CCSER1: variants seen among roughly 807,000 people sequenced by gnomAD.
CCSER1 encodes coiled-coil serine rich protein 1, also known as serine-rich coiled-coil domain-containing protein 1.
Under a neutral mutation model 82.0 loss-of-function variants are expected in CCSER1, and 41 were observed. The ratio of observed to expected loss-of-function variants is 0.50; its 90% CI spans 0.39 to 0.65. The LOEUF (loss-of-function observed/expected upper bound fraction) is 0.65. CCSER1 is among the 30% of genes least tolerant of loss of function. The pLI is 0.00. For missense variants in CCSER1, 1,119 were observed against 1,064.2 expected, an observed-to-expected ratio of 1.05 and a Z score of -0.72; for synonymous variants, 414 against 383.9, an observed-to-expected ratio of 1.08 and a Z score of -0.92.
intron 8 of CCSER1, among the ~76,000 whole-genome samples, chr4:90,905,346 G>A (rs552748158): frequency 4.0e-5 from 5 of 124,334 alleles, no homozygotes; most frequent in African/African-American, 9.2e-5. Context: ...TGCTCACTAC[G>A]TTCTAGTCAC....
chr4:90,600,408 T>C (rs1411375558), intron 5 of CCSER1, among the ~76,000 whole-genome samples: 3 of 152,168 alleles, frequency 2.0e-5, no homozygotes, highest in Non-Finnish European at 2.9e-5. Context: ...CTTTGTGGTT[T>C]TAATTTGCAT....
chr4:90,971,824 A>T (rs1599454), intron 9 of CCSER1, among the ~76,000 whole-genome samples: 3,264 of 151,864 alleles, frequency 0.021, 134 homozygotes, highest in African/African-American at 0.071. Flanking sequence ...GGATTTAACC[A>T]TGGGATGTAA....
At chr4:91,595,638 A>G (rs919588988) in intron 10 of CCSER1, among the ~76,000 whole-genome samples, 1 of 152,128 alleles carries the variant, frequency 6.6e-6, no homozygotes, top group Non-Finnish European at 1.5e-5. Context: ...GGATATAAAT[A>G]TAAAACTTCA....
chr4:90,662,604 A>G (rs1010758660), intron 6 of CCSER1, among the ~76,000 whole-genome samples: 2 of 152,108 alleles, frequency 1.3e-5, no homozygotes, highest in African/African-American at 4.8e-5. Context: ...TTATTTATTC[A>G]TTTGGGGAAA....
chr4:90,396,338 G>A (rs1751953320), intron 3 of CCSER1, among the ~76,000 whole-genome samples: 1 of 151,910 alleles, frequency 6.6e-6, no homozygotes, highest in Non-Finnish European at 1.5e-5. Context: ...TGTGACCATT[G>A]GTGCTAAACA....
At position 91,496,769 on chromosome 4, in the gene CCSER1, T is replaced by A. The variant is rs1229266900; in HGVS notation, c.2218-101803T>A. Among the ~76,000 whole-genome samples, 4 of 22,404 alleles carry A rather than the reference T, an allele frequency of 1.8e-4. 1 individual carries two copies. The highest frequency in any genetic ancestry group is 4.2e-4 in the African/African-American group (4 of 9,638). The allele number at this position is 22,404 out of a possible 152,430, so 14.7% of individuals were successfully genotyped here. ...TATATTTGAATATATATATATTCAATATATATTGAATATATATTGAATATA... is the reference window on the plus strand; with the variant it reads ...TATATTTGAATATATATATATTCAAAATATATTGAATATATATTGAATATA... On this transcript the variant is annotated intron_variant, in intron 10 of 10. Transcript: ENST00000509176.
rs370368170 is a variant in CCSER1 at position 91,477,188 on chromosome 4, C to T, written c.2218-121384C>T. Among the ~76,000 whole-genome samples, 163 of 151,688 alleles carry T rather than the reference C, an allele frequency of 1.1e-3. 4 individuals carry two copies. In the South Asian group the frequency reaches 0.028, roughly 26 times the overall value. On this transcript the variant is annotated intron_variant, in intron 10 of 10. Coordinates refer to ENST00000509176, the MANE Select transcript of CCSER1 (RefSeq NM_001145065.2). ...ATTCACTCTACAAAGGATTAATACC[C>T]AGAATAGATAAGGAACTCAAATAAC... is the stretch of plus-strand genomic sequence containing the variant.
At chr4:90,823,510 A>C (rs1760041466) in intron 8 of CCSER1, among the ~76,000 whole-genome samples, 1 of 152,134 alleles carries the variant, frequency 6.6e-6, no homozygotes. Context: ...AGATTTCAAA[A>C]TAAGCAATGA....
In CCSER1 at chr4:90,691,071, G is replaced by T. The variant is rs913329240; in HGVS notation, c.1933-32843G>T. Among the ~76,000 whole-genome samples the T allele has an allele frequency of 2.0e-5, 3 of 151,984 alleles. No individual in the cohort carries two copies. The East Asian group carries it at 5.8e-4, about 29-fold the overall frequency. On this transcript the variant is annotated intron_variant, in intron 6 of 10. Transcript: ENST00000509176. ...TTGCTGTGAGAGTTATAAATGCTCA[G>T]TGCAGTGTCTGAGACATGATAGGTC...
chr4:91,232,964 A>C (rs1335164303), intron 10 of CCSER1, among the ~76,000 whole-genome samples: 2 of 151,822 alleles, frequency 1.3e-5, no homozygotes, highest in African/African-American at 4.8e-5. Context: ...AAGCTTCAAG[A>C]AGGGTACTCA....
intron 7 of CCSER1, among the ~76,000 whole-genome samples, chr4:90,731,375 T>C (rs571715212): frequency 3.9e-5 from 6 of 152,296 alleles, no homozygotes; most frequent in African/African-American, 1.4e-4. Flanking sequence ...ACGATGTTGG[T>C]TTTGCAGGGG....
chr4:91,335,631 G>A (rs1747261801), intron 10 of CCSER1, among the ~76,000 whole-genome samples: 1 of 152,004 alleles, frequency 6.6e-6, no homozygotes, highest in Non-Finnish European at 1.5e-5. Context: ...ACATGAATAA[G>A]GAGAGAAAAC....
intron 1 of CCSER1, 60 bp from the exon 2 acceptor site, chr4:90,308,184 A>T (rs1734647259): frequency 8.0e-7 from 1 of 1,243,730 alleles, no homozygotes; most frequent in Non-Finnish European, 1.1e-6. Context: ...TTTTGTTTTA[A>T]AATGTATTAT....
intron 1 of CCSER1, among the ~76,000 whole-genome samples, chr4:90,200,062 A>G (rs1268343345): frequency 4.5e-5 from 1 of 22,314 alleles, no homozygotes; most frequent in Non-Finnish European, 6.8e-5. Flanking sequence ...GTGCACGCAG[A>G]CACACACACA....
intron 10 of CCSER1, among the ~76,000 whole-genome samples, chr4:91,409,985 T>C (rs1035109353): frequency 3.3e-5 from 5 of 152,238 alleles, no homozygotes; most frequent in African/African-American, 9.6e-5. Flanking sequence ...AATAAACACA[T>C]TGACAGTAAG....
intron 10 of CCSER1, among the ~76,000 whole-genome samples, chr4:91,405,846 C>T (rs376004401): frequency 1.3e-5 from 2 of 152,266 alleles, no homozygotes; most frequent in African/African-American, 2.4e-5. Context: ...ATGCCCCACC[C>T]TGCTTTGGCT....
intron 8 of CCSER1, among the ~76,000 whole-genome samples, chr4:90,838,011 A>T (rs2149852998): frequency 6.6e-6 from 1 of 151,572 alleles, no homozygotes; most frequent in African/African-American, 2.4e-5. Context: ...TCTAGCACAT[A>T]GTAGCTATTC....
intron 6 of CCSER1, among the ~76,000 whole-genome samples, chr4:90,694,793 G>A (rs1450942318): frequency 8.6e-6 from 1 of 116,926 alleles, no homozygotes; most frequent in African/African-American, 3.2e-5. Context: ...CGATGTGTGT[G>A]TGGGGTGTGT....
At chr4:90,578,181 A>T (rs1474610699) in intron 5 of CCSER1, among the ~76,000 whole-genome samples, 1 of 151,714 alleles carries the variant, frequency 6.6e-6, no homozygotes, top group African/African-American at 2.4e-5. Context: ...TTAGCTTTAT[A>T]CTTCTTCTGT....
Sources: allele counts gnomAD v4.1 joint callset (sites outside exome capture counted in the v4.1 genomes callset), GRCh38; gene constraint gnomAD v4.1.1; transcripts MANE v1.5; gene names NCBI Gene and HGNC (gene_info 2026-07-23, HGNC 2026-07-21).